Variants in BCAR3 observed in about 807,000 individuals in gnomAD.
The protein encoded by BCAR3 is breast cancer anti-estrogen resistance protein 3.
BCAR3 carries 37 observed loss-of-function variants against 80.1 expected under a neutral mutation model. That is an observed-to-expected ratio of 0.46 (90% CI 0.36 to 0.61). BCAR3 has a LOEUF of 0.61. Ranked by LOEUF, BCAR3 falls within the 20% of genes least tolerant of loss-of-function variation. BCAR3 has a pLI of 0.00. For synonymous variants in BCAR3, 389 were observed against 418.9 expected, an observed-to-expected ratio of 0.93 and a Z score of 0.87; for missense variants, 978 against 1,068.2, an observed-to-expected ratio of 0.92 and a Z score of 1.18.
intron 2 of BCAR3, among the ~76,000 whole-genome samples, chr1:93,789,273 A>G (rs1450177555): frequency 6.6e-6 from 1 of 152,150 alleles, no homozygotes. Flanking sequence ...ACTACACCCA[A>G]CCTATTAAAA....
At chr1:93,808,619 G>C (rs1302667030) in intron 2 of BCAR3, among the ~76,000 whole-genome samples, 1 of 152,044 alleles carries the variant, frequency 6.6e-6, no homozygotes, top group East Asian at 1.9e-4. Context: ...TACAGACCCA[G>C]AGGAAACAAG....
At chr1:93,819,110 G>A (rs917905695) in intron 2 of BCAR3, among the ~76,000 whole-genome samples, 5 of 150,884 alleles carry the variant, frequency 3.3e-5, no homozygotes, top group African/African-American at 1.2e-4. Flanking sequence ...CTCTGTTGCC[G>A]GGCTAGAGTG....
intron 2 of BCAR3, among the ~76,000 whole-genome samples, chr1:93,653,961 A>G (rs999961672): frequency 6.6e-6 from 1 of 152,132 alleles, no homozygotes; most frequent in African/African-American, 2.4e-5. Context: ...TACCTTCTGC[A>G]TCTCGCCAGC....
rs112064184 is a variant in BCAR3 at position 93,690,812 on chromosome 1, G to A, written c.-12+15280C>T. 9.7e-4 allele frequency among the ~76,000 whole-genome samples: 147 copies of A among 152,260 alleles called. 2 individuals are homozygous for A. Among genetic ancestry groups the A allele is most frequent in the African/African-American group, 2.6e-3 (109 of 41,534 alleles). ...ATAAATGTAGACTATTTTGACTATC[G>A]AGATTAAACTACTAGGCCTTTAATG... On this transcript the variant is annotated intron_variant, in intron 3 of 13. Coordinates refer to the BCAR3 transcript ENST00000370244.
At chr1:93,814,907 CT>C (rs903463901) in intron 2 of BCAR3, among the ~76,000 whole-genome samples, 1 of 152,246 alleles carries the variant, frequency 6.6e-6, no homozygotes, top group Non-Finnish European at 1.5e-5. Flanking sequence ...CCTACCTAGA[CT>C]TTAGGTTTCT....
intron 3 of BCAR3, among the ~76,000 whole-genome samples, chr1:93,619,034 G>C (rs937222792): frequency 4.0e-5 from 6 of 150,860 alleles, no homozygotes; most frequent in African/African-American, 1.5e-4. Context: ...TGCCTCCCAG[G>C]TTCGAGCAAT....
intron 2 of BCAR3, among the ~76,000 whole-genome samples, chr1:93,713,459 C>A (rs1646681153): frequency 1.3e-5 from 2 of 152,150 alleles, no homozygotes; most frequent in African/African-American, 2.4e-5. Flanking sequence ...ATCAAGCATG[C>A]CAGGCTGTAG....
chr1:93,788,675 T>C (rs894767713), intron 2 of BCAR3, among the ~76,000 whole-genome samples: 3 of 152,162 alleles, frequency 2.0e-5, no homozygotes, highest in Non-Finnish European at 4.4e-5. Context: ...TGCTGAGAAA[T>C]CTGCTGTTAA....
At chr1:93,683,677 G>A (rs531260234), upstream of BCAR3, among the ~76,000 whole-genome samples, 9 of 152,252 alleles carry the variant, frequency 5.9e-5, no homozygotes, top group Non-Finnish European at 1.3e-4. Flanking sequence ...GAAGCTGGCC[G>A]CAAATGGGTA....
chr1:93,733,449 G>A (rs192380570), intron 2 of BCAR3, among the ~76,000 whole-genome samples: 2 of 152,170 alleles, frequency 1.3e-5, no homozygotes, highest in African/African-American at 4.8e-5. Context: ...TTGCGCTGGG[G>A]GTAAAGGAGA....
intron 2 of BCAR3, among the ~76,000 whole-genome samples, chr1:93,673,279 C>T (rs1460069568): frequency 6.6e-6 from 1 of 152,220 alleles, no homozygotes; most frequent in Admixed American, 6.5e-5. Flanking sequence ...TGCTCCACTG[C>T]TACCCTGTTA....
intron 2 of BCAR3, among the ~76,000 whole-genome samples, chr1:93,796,650 C>T (rs988134528): frequency 6.6e-6 from 1 of 152,176 alleles, no homozygotes; most frequent in African/African-American, 2.4e-5. Flanking sequence ...TAGACTGGAG[C>T]TGTTCCTATT....
At chr1:93,737,754 G>A (rs79542000) in intron 2 of BCAR3, among the ~76,000 whole-genome samples, 6 of 152,214 alleles carry the variant, frequency 3.9e-5, no homozygotes, top group Admixed American at 2.6e-4. Context: ...TGGAGAAAGA[G>A]TGAGGTATGA....
chr1:93,836,626 C>T (rs758916730), intron 2 of BCAR3, among the ~76,000 whole-genome samples: 9 of 152,012 alleles, frequency 5.9e-5, no homozygotes, highest in Non-Finnish European at 1.0e-4. Flanking sequence ...TTCACCGCCC[C>T]AACACTTTAC....
chr1:93,605,491 G>A (rs1396976433), intron 3 of BCAR3: 1 of 152,220 alleles, frequency 6.6e-6, no homozygotes, highest in African/African-American at 2.4e-5. Flanking sequence ...TAATAGTAGT[G>A]CTTTCTTAAC....
At chr1:93,602,767 TCATCA>T (rs576718744) in intron 3 of BCAR3, among the ~76,000 whole-genome samples, 1 of 152,196 alleles carries the variant, frequency 6.6e-6, no homozygotes, top group Non-Finnish European at 1.5e-5. Flanking sequence ...CCAATTACTT[TCATCA>T]CTCTAAACCC....
At position 93,562,217 on chromosome 1, in the gene BCAR3, T is replaced by C; in HGVS notation, c.*24A>G. 2.5e-6 allele frequency: 4 copies of C among 1,594,174 alleles called. No homozygotes were observed. The highest frequency in any genetic ancestry group is 3.4e-6 in the Non-Finnish European group (4 of 1,169,120). ...GAAGCTGGGGAAACTTGAAAAGATA[T>C]TCTAAAGGTTCTCTGGAGAGTTATC... is the stretch of plus-strand genomic sequence containing the variant. On this transcript the variant is annotated 3_prime_UTR_variant, in exon 12 of 12. Coordinates refer to ENST00000260502, the MANE Select transcript of BCAR3 (RefSeq NM_003567.4).
chr1:93,747,696 T>A (rs1651406995), intron 2 of BCAR3, among the ~76,000 whole-genome samples: 1 of 151,648 alleles, frequency 6.6e-6, no homozygotes, highest in South Asian at 2.1e-4. Flanking sequence ...GAATGTAAAT[T>A]GGACCTTGTT....
Position 93,589,480 on chromosome 1 carries a change from T to C in BCAR3, c.487-61A>G, listed in dbSNP as rs1674085557. 5 of 1,420,140 alleles carry C rather than the reference T, an allele frequency of 3.5e-6. No homozygotes were observed. In the South Asian group the frequency reaches 6.5e-5, roughly 18 times the overall value. 88.0% of individuals were successfully genotyped at this position (1,420,140 alleles called of 1,614,324 possible). A position where few individuals can be genotyped will look rare whatever the true frequency, so the allele number is the denominator to read the frequency against. ...GCAAATTCACATTCCTTCTAAAAGC[T>C]TATGGCTACCCACTTCTCTGGGCCA... On this transcript the variant is annotated intron_variant, in intron 4 of 11. Transcript: ENST00000260502.
Sources: allele counts gnomAD v4.1 joint callset (sites outside exome capture counted in the v4.1 genomes callset), GRCh38; gene constraint gnomAD v4.1.1; transcripts MANE v1.5; gene names NCBI Gene and HGNC (gene_info 2026-07-23, HGNC 2026-07-21).